The following CRB2 variants were observed in gnomAD, a reference collection of about 807,000 sequenced individuals.
CRB2 encodes protein crumbs homolog 2.
CRB2 carries 85 observed loss-of-function variants against 110.9 expected under a neutral mutation model. The observed-to-expected ratio is 0.77, with a 90% CI of 0.64 to 0.92. The LOEUF (loss-of-function observed/expected upper bound fraction) is 0.92. Among genes scored for constraint, CRB2 ranks in the 40% least tolerant of loss-of-function variants. The probability of loss-of-function intolerance (pLI) is 0.00; values close to 1 mark genes in which losing one functional copy is unlikely to be tolerated. For synonymous variants in CRB2, 907 were observed against 831.0 expected (o/e 1.09, Z -1.57); for missense variants, 1,843 against 1,851.3 (o/e 1.00, Z 0.08).
At position 123,373,232 on chromosome 9, in the gene CRB2, C is replaced by A; in HGVS notation, c.2701C>A (p.Arg901Ser). ...RLLGGLSLAF[R>S]TRDSEAWLLR... Reference sequence around the variant, plus strand: ...GCTCGGCGGCCTGTCGCTGGCCTTTCGCACGCGCGACTCCGAGGCCTGGCT... The same window carrying A: ...GCTCGGCGGCCTGTCGCTGGCCTTTAGCACGCGCGACTCCGAGGCCTGGCT... The change falls in exon 10 of 13, where the codon CGC becomes AGC. Residue 901 changes from arginine (R) to serine (S), a missense_variant. Coordinates refer to ENST00000373631, the MANE Select transcript of CRB2 (RefSeq NM_173689.7). 6.6e-7 allele frequency: 1 copy of A among 1,506,128 alleles called. No individual in the cohort carries two copies. Among genetic ancestry groups the A allele is most frequent in the South Asian group, 1.2e-5 (1 of 81,466 alleles). 93.3% of individuals were successfully genotyped at this position (1,506,128 alleles called of 1,614,324 possible).
At chr9:123,374,516 C>T in intron 10 of CRB2, 63 bp from the exon 11 acceptor site, 1 of 1,231,052 alleles carries the variant, frequency 8.1e-7, no homozygotes, top group Non-Finnish European at 1.2e-6. Context: ...CCCACGGTCA[C>T]AGCGCTGGGG....
In CRB2 at chr9:123,373,644, G is replaced by GAGAGCA; in HGVS notation, c.3114_3119dup (p.Glu1039_His1040insGlnGlu). The GAGAGCA allele has an allele frequency of 2.8e-6, 4 of 1,403,860 alleles. No homozygotes were observed. Among genetic ancestry groups the GAGAGCA allele is most frequent in the Non-Finnish European group, 3.7e-6 (4 of 1,086,286 alleles). 87.0% of individuals were successfully genotyped at this position (1,403,860 alleles called of 1,614,324 possible). A position where few individuals can be genotyped will look rare whatever the true frequency, so the allele number is the denominator to read the frequency against. On this transcript the variant is annotated inframe_insertion, in exon 10 of 13. Transcript: ENST00000373631. The stretch of plus-strand genomic sequence containing the variant: ...CGGCCCGGCGCGGCCCCTGGCGCCC[G>GAGAGCA]AGAGCACTTCGCGTCTTGGCCTGGG...
rs1238206213 is a variant in CRB2 at position 123,374,681 on chromosome 9, T to C, written c.3492T>C (p.Gly1164=). ...CTGCCAACTGCAGCTGCCTGGAGGG[T>C]CTTGCTGGCCAGAGGTGGGTCTGGG... ...SPAANCSCLE[G]LAGQRCQVPT... The change falls in exon 11 of 13, where the codon GGT becomes GGC. Residue 1164 remains glycine, a synonymous_variant. Transcript: ENST00000373631. The C allele has an allele frequency of 3.1e-6, 5 of 1,609,716 alleles. No individual in the cohort carries two copies. In the African/African-American group the frequency reaches 6.7e-5, roughly 22 times the overall value.
rs1471003696 is a variant in CRB2, at chr9:123,377,078, G to GGCACCA, written c.*22_*27dup. 1 of 1,526,232 alleles carries GGCACCA rather than the reference G, an allele frequency of 6.6e-7. No individual in the cohort carries two copies. The highest frequency in any genetic ancestry group is 8.8e-7 in the Non-Finnish European group (1 of 1,136,072). 94.5% of individuals were successfully genotyped at this position (1,526,232 alleles called of 1,614,324 possible). A position where few individuals can be genotyped will look rare whatever the true frequency, so the allele number is the denominator to read the frequency against. ...ACTCATCTAGGCCAGCCTGGCTGCTGGCACCAGCACCTGGAGGTCCTGAAT... is the reference window on the plus strand; with the variant it reads ...ACTCATCTAGGCCAGCCTGGCTGCTGGCACCAGCACCAGCACCTGGAGGTCCTGAAT... On this transcript the variant is annotated 3_prime_UTR_variant, in exon 13 of 13. Coordinates refer to ENST00000373631, the MANE Select transcript of CRB2 (RefSeq NM_173689.7).
chr9:123,373,910 C>G lies in CRB2; in HGVS notation c.3379C>G (p.Pro1127Ala). ...CCGCTGCCCGCCTGGCTTCGGGGGCCCGCGCTGCAGGTGGGATGGCTGGGC... is the reference window on the plus strand; with the variant it reads ...CCGCTGCCCGCCTGGCTTCGGGGGCGCGCGCTGCAGGTGGGATGGCTGGGC... The part of the protein sequence containing the change: ...ECRCPPGFGG[P>A]RCRLPVPSKE... The change falls in exon 10 of 13, where the codon CCG (proline) becomes GCG (alanine). Residue 1127 changes from proline to alanine, a missense_variant. Transcript: ENST00000373631. 1 of 1,549,430 alleles carries G rather than the reference C, an allele frequency of 6.5e-7. No homozygotes were observed. Among genetic ancestry groups the G allele is most frequent in the Non-Finnish European group, 8.7e-7 (1 of 1,147,926 alleles).
intron 6 of CRB2, chr9:123,368,867 ACT>A (rs1216470379): frequency 9.5e-6 from 12 of 1,263,442 alleles, no homozygotes; most frequent in Non-Finnish European, 1.2e-5. Flanking sequence ...CCCGCCCACC[ACT>A]CTCAACCTGT....
chr9:123,375,158 T>TG, intron 11 of CRB2, 59 bp from the exon 12 acceptor site: 2 of 1,607,518 alleles, frequency 1.2e-6, no homozygotes, highest in South Asian at 1.1e-5. Context: ...GCAGAGCAGC[T>TG]GGGAGCACAA....
rs938719114 is a variant in CRB2 at position 123,368,691 on chromosome 9, A to AG, written c.1054+1011dup. 9.1e-6 allele frequency: 8 copies of AG among 882,410 alleles called. No individual in the cohort carries two copies. In the African/African-American group the frequency reaches 1.3e-4, roughly 14 times the overall value. 54.7% of individuals were successfully genotyped at this position (882,410 alleles called of 1,614,324 possible). A position where few individuals can be genotyped will look rare whatever the true frequency, so the allele number is the denominator to read the frequency against. ...CAGACCTCTGAGGTCAGAGCCAGGG[A>AG]GGGGGGACCCCAGCTGCAGGGCTGG... On this transcript the variant is annotated intron_variant, in intron 6 of 12. Transcript: ENST00000373631.
At chr9:123,379,613 G>A (rs1377315436), downstream of CRB2, 1 of 152,290 alleles carries the variant, frequency 6.6e-6, no homozygotes, top group Non-Finnish European at 1.5e-5. Context: ...CCCGTGTGGG[G>A]CCTCCCCGAC....
chr9:123,354,440 G>A (rs568381889), upstream of CRB2, among the ~76,000 whole-genome samples: 49 of 152,374 alleles, frequency 3.2e-4, no homozygotes, highest in Middle Eastern at 6.8e-3. Context: ...TCACTGAGAA[G>A]CTGGATAAAG....
upstream of CRB2, chr9:123,356,071 AGGGACGTCCACGAGGTG>A (rs2041792939): frequency 9.4e-6 from 4 of 423,554 alleles, no homozygotes; most frequent in Non-Finnish European, 1.6e-5. Flanking sequence ...GCTGATGTCT[AGGGACGTCCACGAGGTG>A]GAGCAGCCCA....
intron 2 of CRB2, 80 bp from the exon 3 acceptor site, chr9:123,365,837 C>G: frequency 7.8e-7 from 1 of 1,280,832 alleles, no homozygotes; most frequent in South Asian, 1.6e-5. Flanking sequence ...GTCTCTAACT[C>G]TGGAGCAGGC....
chr9:123,368,191 C>T (rs2041964110), intron 6 of CRB2, among the ~76,000 whole-genome samples: 2 of 152,086 alleles, frequency 1.3e-5, no homozygotes, highest in South Asian at 2.1e-4. Flanking sequence ...GGAATGCCTG[C>T]GACACCTCCC....
chr9:123,367,638 C>G lies in CRB2; in HGVS notation c.1006C>G (p.Gln336Glu), dbSNP rs768189537. The G allele has an allele frequency of 6.4e-7, 1 of 1,571,062 alleles. No individual in the cohort carries two copies. Among genetic ancestry groups the G allele is most frequent in the Non-Finnish European group, 8.6e-7 (1 of 1,158,734 alleles). The change falls in exon 6 of 13, where the codon CAG (glutamine) becomes GAG (glutamate). Residue 336 changes from glutamine to glutamate, a missense_variant. Gln to Glu is a conservative substitution (Grantham distance 29). Coordinates refer to ENST00000373631, the MANE Select transcript of CRB2 (RefSeq NM_173689.7). ...SRPCLNGGHC[Q>E]DLPNGFQCHC... ...GCCATGCCTCAACGGAGGCCACTGC[C>G]AGGACCTGCCCAATGGCTTCCAGTG...
At position 123,378,632 on chromosome 9, in the gene CRB2, G is replaced by A. The variant is rs2042143492; in HGVS notation, c.*1570G>A. On this transcript the variant is annotated 3_prime_UTR_variant, in exon 13 of 13. Transcript: ENST00000373631. Reference sequence around the variant, plus strand: ...CCCTGAACTTTCTCTACAACCCTTGGGAGCGTGGGGAGGAGGCGGCTGGTT... The same window carrying A: ...CCCTGAACTTTCTCTACAACCCTTGAGAGCGTGGGGAGGAGGCGGCTGGTT... The A allele has an allele frequency of 6.6e-6, 1 of 152,122 alleles. No homozygotes were observed. The highest frequency in any genetic ancestry group is 1.5e-5 in the Non-Finnish European group (1 of 68,088). The allele number at this position is 152,122 out of a possible 1,614,324, so 9.4% of individuals were successfully genotyped here.
chr9:123,377,010 G>A lies in CRB2; in HGVS notation c.3806G>A (p.Arg1269Gln), dbSNP rs773265852. 6.2e-7 allele frequency: 1 copy of A among 1,608,382 alleles called. No homozygotes were observed. Among genetic ancestry groups the A allele is most frequent in the Non-Finnish European group, 8.5e-7 (1 of 1,178,228 alleles). ...AGCCAGCAGGAGGTGGCTGGGGCCC[G>A]GCTGGAGATGGACAGTGTCCTCAAG... ...SPSQQEVAGA[R>Q]LEMDSVLKVP... Residue 1269 changes from arginine (R) to glutamine (Q), a missense_variant, in exon 13 of 13, where the codon CGG (arginine) becomes CAG (glutamine). Physicochemically the swap from Arg to Gln is conservative, Grantham distance 43. Coordinates refer to ENST00000373631, the MANE Select transcript of CRB2 (RefSeq NM_173689.7).
At chr9:123,379,473 C>T (rs1236141159), downstream of CRB2, among the ~76,000 whole-genome samples, 1 of 152,222 alleles carries the variant, frequency 6.6e-6, no homozygotes, top group East Asian at 1.9e-4. Context: ...CTGTGAGGGG[C>T]AGAGCATGAG....
At chr9:123,363,667 C>A (rs945465285) in intron 2 of CRB2, among the ~76,000 whole-genome samples, 3 of 152,124 alleles carry the variant, frequency 2.0e-5, no homozygotes, top group East Asian at 1.9e-4. Flanking sequence ...CTCTGGGTCT[C>A]CCCCAGAGTT....
intron 2 of CRB2, among the ~76,000 whole-genome samples, 182 bp downstream of exon 2, chr9:123,363,370 A>C (rs971434813): frequency 6.6e-6 from 1 of 152,042 alleles, no homozygotes; most frequent in African/African-American, 2.4e-5. Flanking sequence ...TCTGGGTGAG[A>C]GTATGTATGT....
Sources: gnomAD v4.1 joint callset for allele counts (sites outside exome capture counted in the v4.1 genomes callset) on GRCh38, gnomAD v4.1.1 for gene constraint, MANE v1.5 for transcripts, NCBI Gene and HGNC (gene_info 2026-07-23, HGNC 2026-07-21) for gene names.